Variants in PHTF2 observed in about 807,000 individuals in gnomAD.
PHTF2 encodes putative homeodomain transcription factor 2.
PHTF2 carries 60 observed loss-of-function variants against 101.2 expected under a neutral mutation model. The observed-to-expected ratio is 0.59, with a 90% CI of 0.48 to 0.73. The LOEUF (loss-of-function observed/expected upper bound fraction) is 0.73, where lower values mean the gene tolerates loss of function less well. Ranked by LOEUF, PHTF2 falls within the 30% of genes least tolerant of loss-of-function variation. The pLI, the probability that PHTF2 is intolerant of heterozygous loss-of-function variation, is 0.00. For missense variants in PHTF2, 747 were observed against 908.7 expected, an observed-to-expected ratio of 0.82 and a Z score of 2.29; for synonymous variants, 311 against 307.3, an observed-to-expected ratio of 1.01 and a Z score of -0.13.
At chr7:77,817,160 G>T (rs1276601185) in intron 1 of PHTF2, among the ~76,000 whole-genome samples, 3 of 152,178 alleles carry the variant, frequency 2.0e-5, no homozygotes, top group Non-Finnish European at 4.4e-5. Context: ...CTCCATAGTA[G>T]CTGTACTAGT....
intron 5 of PHTF2, among the ~76,000 whole-genome samples, chr7:77,900,021 A>G (rs1801247990): frequency 6.6e-6 from 1 of 151,878 alleles, no homozygotes; most frequent in African/African-American, 2.4e-5. Context: ...TCCACTCTGT[A>G]TACTGATAGC....
chr7:77,948,501 A>C (rs34160426), intron 16 of PHTF2, among the ~76,000 whole-genome samples: 65,047 of 152,024 alleles, frequency 0.43, 16,113 homozygotes, highest in East Asian at 0.68. Context: ...GACACCATAA[A>C]CAACAAACCA....
At chr7:77,933,703 G>T (rs1804818125) in intron 12 of PHTF2, among the ~76,000 whole-genome samples, 1 of 148,560 alleles carries the variant, frequency 6.7e-6, no homozygotes. Context: ...TAAAAGCAGG[G>T]ACCATGTGTT....
Position 77,937,909 on chromosome 7 carries a change from AATATT to A in PHTF2, c.1467+78_1467+82del, listed in dbSNP as rs1197841805. ...TAATTATATATAAGATAATTACTGG[AATATT>A]ATATTAGTAACCTTCTGACCTCATT... On this transcript the variant is annotated intron_variant, in intron 13 of 19. Coordinates refer to ENST00000416283, the Ensembl canonical transcript of PHTF2. 3.4e-5 allele frequency: 24 copies of A among 696,610 alleles called. No individual in the cohort carries two copies. The African/African-American group carries it at 3.6e-4, about 10-fold the overall frequency. 43.2% of individuals were successfully genotyped at this position (696,610 alleles called of 1,614,324 possible).
intron 2 of PHTF2, chr7:77,854,638 A>G: frequency 1.5e-6 from 1 of 647,556 alleles, no homozygotes; most frequent in Non-Finnish European, 2.8e-6. Context: ...GGAATCTTAG[A>G]AATCTACTCC....
chr7:77,873,766 C>T (rs556870362), intron 3 of PHTF2, among the ~76,000 whole-genome samples: 49 of 152,334 alleles, frequency 3.2e-4, no homozygotes, highest in Admixed American at 1.4e-3. Context: ...TCCTCCCACA[C>T]GTCTCCATTC....
intron 1 of PHTF2, among the ~76,000 whole-genome samples, chr7:77,812,360 G>C (rs1215030365): frequency 6.6e-6 from 1 of 152,158 alleles, no homozygotes; most frequent in African/African-American, 2.4e-5. Flanking sequence ...TTCCTCTAAT[G>C]CAGTAAAATG....
intron 9 of PHTF2, among the ~76,000 whole-genome samples, chr7:77,914,937 G>A (rs751815821): frequency 3.9e-5 from 6 of 152,124 alleles, no homozygotes; most frequent in Non-Finnish European, 8.8e-5. Context: ...GTGGAGGATG[G>A]AGTCTCGCTC....
chr7:77,810,345 T>C (rs1016941988), intron 1 of PHTF2, among the ~76,000 whole-genome samples: 2 of 152,218 alleles, frequency 1.3e-5, no homozygotes, highest in Admixed American at 6.5e-5. Flanking sequence ...TTTTCTAATC[T>C]ACAGGTACTC....
At chr7:77,894,640 G>A (rs189282797) in intron 5 of PHTF2, among the ~76,000 whole-genome samples, 3 of 152,282 alleles carry the variant, frequency 2.0e-5, no homozygotes, top group African/African-American at 7.2e-5. Flanking sequence ...AGATAAAATA[G>A]ATTATAGTTT....
intron 7 of PHTF2, among the ~76,000 whole-genome samples, chr7:77,902,487 G>A (rs966772658): frequency 6.6e-6 from 1 of 152,118 alleles, no homozygotes; most frequent in Non-Finnish European, 1.5e-5. Context: ...GTATGGTAGA[G>A]CCCAGATTCA....
At chr7:77,877,582 G>C (rs1799053796) in intron 3 of PHTF2, among the ~76,000 whole-genome samples, 1 of 152,222 alleles carries the variant, frequency 6.6e-6, no homozygotes, top group Non-Finnish European at 1.5e-5. Flanking sequence ...GTACCAGCAA[G>C]TTGGAAAATG....
At chr7:77,817,658 TGA>T (rs1273368799) in intron 1 of PHTF2, among the ~76,000 whole-genome samples, 1 of 152,074 alleles carries the variant, frequency 6.6e-6, no homozygotes, top group African/African-American at 2.4e-5. Context: ...CAATTTAAGA[TGA>T]GATTTGGGTG....
chr7:77,884,242 T>C (rs959145694), intron 3 of PHTF2, among the ~76,000 whole-genome samples: 1 of 152,202 alleles, frequency 6.6e-6, no homozygotes, highest in African/African-American at 2.4e-5. Context: ...AAAAAGAAAA[T>C]TTTCAGTAGC....
chr7:77,854,690 A>G (rs375347095), intron 2 of PHTF2: 128 of 701,432 alleles, frequency 1.8e-4, no homozygotes, highest in African/African-American at 1.8e-3. Flanking sequence ...CCAAGCCACA[A>G]GACAAAGTTT....
chr7:77,802,010 A>G (rs1213690740), intron 1 of PHTF2, among the ~76,000 whole-genome samples: 1 of 152,264 alleles, frequency 6.6e-6, no homozygotes, highest in Admixed American at 6.5e-5. Context: ...TGAATACAAA[A>G]GAAACAATAA....
intron 1 of PHTF2, among the ~76,000 whole-genome samples, chr7:77,820,302 G>GT (rs1174284858): frequency 3.3e-5 from 5 of 152,050 alleles, no homozygotes; most frequent in African/African-American, 1.2e-4. Context: ...AACTTATCTA[G>GT]TTTCTCTAGG....
At chr7:77,949,438 T>C (rs1806345776) in intron 16 of PHTF2, among the ~76,000 whole-genome samples, 1 of 152,148 alleles carries the variant, frequency 6.6e-6, no homozygotes, top group Admixed American at 6.5e-5. Flanking sequence ...TCTGTAATAT[T>C]ATTTTTTAAT....
chr7:77,905,803 C>G (rs1801801568), intron 7 of PHTF2, among the ~76,000 whole-genome samples: 1 of 152,042 alleles, frequency 6.6e-6, no homozygotes, highest in African/African-American at 2.4e-5. Context: ...CAGCCTACTC[C>G]TAGAGTTCCC....
Sources: allele counts gnomAD v4.1 joint callset (sites outside exome capture counted in the v4.1 genomes callset), GRCh38; gene constraint gnomAD v4.1.1; transcripts MANE v1.5; gene names NCBI Gene and HGNC (gene_info 2026-07-23, HGNC 2026-07-21).